Variants in CFAP77 observed in about 807,000 individuals in gnomAD.
The protein encoded by CFAP77 is cilia and flagella associated protein 77.
In CFAP77, 25 loss-of-function variants were observed where a neutral mutation model predicts 31.1. The observed-to-expected ratio is 0.80, with a 90% confidence interval of 0.59 to 1.12. The LOEUF (loss-of-function observed/expected upper bound fraction) is 1.12, where lower values mean the gene tolerates loss of function less well. Among genes scored for constraint, CFAP77 ranks in the 50% most tolerant of loss-of-function variants. The pLI, the probability that CFAP77 is intolerant of heterozygous loss-of-function variation, is 0.00. For missense variants in CFAP77, 377 were observed against 397.3 expected (o/e 0.95, Z 0.44); for synonymous variants, 151 against 159.9 (o/e 0.94, Z 0.42).
At chr9:132,502,834 C>T (rs933488689) in intron 3 of CFAP77, among the ~76,000 whole-genome samples, 5 of 152,086 alleles carry the variant, frequency 3.3e-5, no homozygotes, top group South Asian at 2.1e-4. Flanking sequence ...AGTGGGATTG[C>T]GGGATCAGGT....
intron 1 of CFAP77, among the ~76,000 whole-genome samples, chr9:132,479,465 G>A (rs1386674467): frequency 6.6e-6 from 1 of 152,200 alleles, no homozygotes; most frequent in Non-Finnish European, 1.5e-5. Context: ...TGGGGGGCTG[G>A]GCCTGGTTTG....
intron 5 of CFAP77, among the ~76,000 whole-genome samples, chr9:132,566,985 T>C (rs1395583832): frequency 6.6e-6 from 1 of 152,246 alleles, no homozygotes; most frequent in Non-Finnish European, 1.5e-5. Flanking sequence ...ACTTCTCAAA[T>C]GCCAGGTTCT....
At chr9:132,448,530 TC>T in intron 1 of CFAP77, among the ~76,000 whole-genome samples, 1 of 152,256 alleles carries the variant, frequency 6.6e-6, no homozygotes, top group Non-Finnish European at 1.5e-5. Flanking sequence ...TTGGCAGAGT[TC>T]TTAGAACACA....
chr9:132,533,171 G>A (rs1212892099), intron 3 of CFAP77, among the ~76,000 whole-genome samples: 6 of 152,188 alleles, frequency 3.9e-5, no homozygotes, highest in Non-Finnish European at 8.8e-5. Context: ...GAGATCCCAC[G>A]GTGACCCAGG....
chr9:132,456,908 G>A (rs542005567), intron 1 of CFAP77, among the ~76,000 whole-genome samples: 1 of 152,094 alleles, frequency 6.6e-6, no homozygotes, highest in Admixed American at 6.6e-5. Context: ...GCACCACCGT[G>A]TCTGACTAAT....
intron 1 of CFAP77, among the ~76,000 whole-genome samples, chr9:132,454,075 CA>C (rs1246641152): frequency 6.6e-6 from 1 of 152,102 alleles, no homozygotes; most frequent in African/African-American, 2.4e-5. Flanking sequence ...TATCGGGGTT[CA>C]TTTTTTTTGT....
At position 132,557,897 on chromosome 9, in the gene CFAP77, C is replaced by G. The variant is rs548508182; in HGVS notation, c.733-14491C>G. Among the ~76,000 whole-genome samples the G allele has an allele frequency of 4.2e-4, 64 of 152,260 alleles. 1 individual carries two copies. In the South Asian group the frequency reaches 7.5e-3, roughly 18 times the overall value. ...AGGAACGTGTAGATGTCTCCTCCCC[C>G]GGTTCTGAGTTTATAAGCATCACTG... is the stretch of plus-strand genomic sequence containing the variant. On this transcript the variant is annotated intron_variant, in intron 5 of 5. Coordinates refer to ENST00000393216, the MANE Select transcript of CFAP77 (RefSeq NM_001282957.2).
chr9:132,479,848 T>C (rs373456655), intron 1 of CFAP77, among the ~76,000 whole-genome samples: 3 of 152,240 alleles, frequency 2.0e-5, no homozygotes, highest in East Asian at 3.9e-4. Flanking sequence ...ACCAAGCCTA[T>C]GAATTGGGTG....
At chr9:132,483,642 G>T (rs1016330146) in intron 1 of CFAP77, among the ~76,000 whole-genome samples, 3 of 150,614 alleles carry the variant, frequency 2.0e-5, no homozygotes, top group Non-Finnish European at 4.5e-5. Flanking sequence ...TTTCAGACAT[G>T]CTTCCCCAGC....
chr9:132,440,860 G>C (rs1277995258), intron 1 of CFAP77, among the ~76,000 whole-genome samples: 1 of 152,158 alleles, frequency 6.6e-6, no homozygotes, highest in Non-Finnish European at 1.5e-5. Flanking sequence ...TGTGCAGGCT[G>C]CCCTATTTTA....
intron 1 of CFAP77, among the ~76,000 whole-genome samples, chr9:132,446,739 G>A (rs1048463478): frequency 1.9e-5 from 2 of 103,964 alleles, no homozygotes; most frequent in African/African-American, 8.6e-5. Context: ...AAACTCCTCC[G>A]TCTCAAAAAA....
chr9:132,495,621 A>G lies in CFAP77; in HGVS notation c.196-3074A>G, dbSNP rs183963741. Among the ~76,000 whole-genome samples, 163 of 152,340 alleles carry G rather than the reference A, an allele frequency of 1.1e-3. No individual in the cohort carries two copies. Among genetic ancestry groups the G allele is most frequent in the Non-Finnish European group, 1.8e-3 (120 of 68,026 alleles). On this transcript the variant is annotated intron_variant, in intron 1 of 5. Transcript: ENST00000393216. The surrounding 1 kb of genome is among the most constrained non-coding windows in gnomAD (Gnocchi z 4.2). ...ATTTGAGATGGAAAAGAAGCGGAAG[A>G]AAAATGATCAACTGTTGTGTAAAGA...
chr9:132,547,959 C>A (rs1307173761), intron 5 of CFAP77, among the ~76,000 whole-genome samples: 1 of 152,164 alleles, frequency 6.6e-6, no homozygotes, highest in Non-Finnish European at 1.5e-5. Context: ...TCATGCACAG[C>A]CACACAAAGC....
At chr9:132,450,819 G>A (rs1316556653) in intron 1 of CFAP77, among the ~76,000 whole-genome samples, 1 of 152,234 alleles carries the variant, frequency 6.6e-6, no homozygotes, top group Non-Finnish European at 1.5e-5. Flanking sequence ...AAGCCGGGAG[G>A]CTCAGAGACC....
intron 5 of CFAP77, among the ~76,000 whole-genome samples, chr9:132,556,950 GC>G (rs1423958449): frequency 2.0e-5 from 3 of 152,234 alleles, no homozygotes; most frequent in Non-Finnish European, 4.4e-5. Context: ...CCAGGCCCGG[GC>G]CCTGTTGGGT....
chr9:132,485,376 G>C (rs1851523173), intron 1 of CFAP77, among the ~76,000 whole-genome samples: 1 of 152,106 alleles, frequency 6.6e-6, no homozygotes, highest in Non-Finnish European at 1.5e-5. Context: ...ATTATAACTT[G>C]CCCAAGGTCA....
At chr9:132,457,987 A>G (rs1471518406) in intron 1 of CFAP77, among the ~76,000 whole-genome samples, 1 of 152,178 alleles carries the variant, frequency 6.6e-6, no homozygotes, top group East Asian at 1.9e-4. Context: ...TAGGAGTCTA[A>G]CAGCCCCGAT....
At chr9:132,518,157 A>G (rs983898198) in intron 3 of CFAP77, among the ~76,000 whole-genome samples, 1 of 152,052 alleles carries the variant, frequency 6.6e-6, no homozygotes, top group African/African-American at 2.4e-5. Flanking sequence ...CAAACAGTAG[A>G]AACAGCAGCT....
At chr9:132,561,604 TAC>T (rs61039438) in intron 5 of CFAP77, among the ~76,000 whole-genome samples, 9,627 of 111,372 alleles carry the variant, frequency 0.086, 426 homozygotes, top group Admixed American at 0.11. Flanking sequence ...GAGGTGCATG[TAC>T]ACACACACAC....
Sources: allele counts gnomAD v4.1 joint callset (sites outside exome capture counted in the v4.1 genomes callset), GRCh38; gene constraint gnomAD v4.1.1; non-coding constraint Gnocchi (gnomAD v3.1); transcripts MANE v1.5; gene names NCBI Gene and HGNC (gene_info 2026-07-23, HGNC 2026-07-21).